The following FAM114A1 variants were observed in gnomAD, a reference collection of about 807,000 sequenced individuals.
FAM114A1 encodes protein NOXP20.
Under a neutral mutation model 64.3 loss-of-function variants are expected in FAM114A1, and 62 were observed. That is an observed-to-expected ratio of 0.96 (90% CI 0.79 to 1.19). FAM114A1 has a LOEUF of 1.19. Ranked by LOEUF, FAM114A1 falls within the 50% of genes most tolerant of loss-of-function variation. The pLI is 0.00. For missense variants in FAM114A1, 645 were observed against 676.3 expected (o/e 0.95, Z 0.51); for synonymous variants, 254 against 251.1 (o/e 1.01, Z -0.11).
chr4:38,883,075 G>A (rs1030351817), intron 3 of FAM114A1, among the ~76,000 whole-genome samples: 6 of 152,152 alleles, frequency 3.9e-5, no homozygotes, highest in Non-Finnish European at 7.3e-5. Flanking sequence ...TACAACCTCC[G>A]TGAGAAATGG....
At chr4:38,893,950 G>A (rs964261006) in intron 4 of FAM114A1, among the ~76,000 whole-genome samples, 6 of 152,038 alleles carry the variant, frequency 3.9e-5, no homozygotes, top group Non-Finnish European at 7.4e-5. Flanking sequence ...ATCATTTGAG[G>A]TCAGGAGTTC....
chr4:38,917,815 C>T (rs1334864165), intron 8 of FAM114A1, among the ~76,000 whole-genome samples: 1 of 152,190 alleles, frequency 6.6e-6, no homozygotes, highest in Non-Finnish European at 1.5e-5. Context: ...CCATTGCCTC[C>T]ACAAGCTCTG....
chr4:38,883,490 A>T (rs1271866028), intron 3 of FAM114A1, among the ~76,000 whole-genome samples: 1 of 152,182 alleles, frequency 6.6e-6, no homozygotes. Flanking sequence ...CAGAATTTTT[A>T]AAATGTCATC....
At chr4:38,871,078 T>C (rs973645837) in intron 2 of FAM114A1, among the ~76,000 whole-genome samples, 2 of 145,842 alleles carry the variant, frequency 1.4e-5, no homozygotes, top group African/African-American at 2.6e-5. Context: ...GCTTTCTTTT[T>C]TTTCTTTCTT....
At position 38,868,379 on chromosome 4, in the gene FAM114A1, C is replaced by G. The variant is rs1322284145; in HGVS notation, c.-157-19C>G. ...GCCTTGACCTCCCCGCTCCCCTCGC[C>G]TTACTCCTCCCCCAACAGCCGACCC... On this transcript the variant is annotated intron_variant, in intron 1 of 14. Transcript: ENST00000358869. 2.6e-5 allele frequency: 4 copies of G among 152,932 alleles called. No homozygotes were observed. Among genetic ancestry groups the G allele is most frequent in the Non-Finnish European group, 5.8e-5 (4 of 68,526 alleles). The allele number at this position is 152,932 out of a possible 1,614,324, so 9.5% of individuals were successfully genotyped here.
chr4:38,895,442 A>G (rs144916008), intron 4 of FAM114A1, among the ~76,000 whole-genome samples: 2,416 of 152,254 alleles, frequency 0.016, 53 homozygotes, highest in Admixed American at 0.06. Flanking sequence ...ACTAAGGATG[A>G]TCTCTCTTTT....
At chr4:38,884,215 C>CT (rs1715575303) in intron 3 of FAM114A1, among the ~76,000 whole-genome samples, 1 of 152,192 alleles carries the variant, frequency 6.6e-6, no homozygotes. Flanking sequence ...TCTGAAACTC[C>CT]TAGACTCAAG....
At chr4:38,870,282 G>A (rs1713911094) in intron 2 of FAM114A1, among the ~76,000 whole-genome samples, 1 of 152,124 alleles carries the variant, frequency 6.6e-6, no homozygotes, top group African/African-American at 2.4e-5. Context: ...CATCCCACCA[G>A]GCCTGAATCA....
At chr4:38,930,210 G>A (rs553104557) in intron 10 of FAM114A1, among the ~76,000 whole-genome samples, 2 of 152,126 alleles carry the variant, frequency 1.3e-5, no homozygotes, top group Non-Finnish European at 2.9e-5. Flanking sequence ...TTAGTACAAG[G>A]TCTTGCTGTG....
intron 4 of FAM114A1, among the ~76,000 whole-genome samples, chr4:38,898,993 G>T (rs1220819414): frequency 1.4e-5 from 2 of 145,400 alleles, no homozygotes; most frequent in Non-Finnish European, 3.0e-5. Flanking sequence ...TGTAATATAT[G>T]TTATATATGT....
In FAM114A1 at chr4:38,911,758, G is replaced by A. The variant is rs114743803; in HGVS notation, c.792+3032G>A. ...CTATGGAAACTAGAAGCGTGCACGC[G>A]TGCACTACCTACATTTCTCACGTAT... On this transcript the variant is annotated intron_variant, in intron 7 of 14. Transcript: ENST00000358869. 8.9e-3 allele frequency among the ~76,000 whole-genome samples: 1,334 copies of A among 150,672 alleles called. 22 individuals are homozygous for A. The highest frequency in any genetic ancestry group is 0.03 in the African/African-American group (1,245 of 40,962).
rs573937537 is a variant in FAM114A1, at chr4:38,880,107, G to GTAGAATAGAATAGAATAGAATAGAA, written c.348+1727_348+1751dup. Among the ~76,000 whole-genome samples the GTAGAATAGAATAGAATAGAATAGAA allele has an allele frequency of 2.0e-3, 255 of 127,332 alleles. 3 individuals are homozygous for GTAGAATAGAATAGAATAGAATAGAA. The highest frequency in any genetic ancestry group is 7.1e-3 in the South Asian group (28 of 3,930). The allele number at this position is 127,332 out of a possible 152,430, so 83.5% of individuals were successfully genotyped here. A position where few individuals can be genotyped will look rare whatever the true frequency, so the allele number is the denominator to read the frequency against. On this transcript the variant is annotated intron_variant, in intron 3 of 14. Transcript: ENST00000358869. ...ATAAAATAAAATAAAATAAAATAGA[G>GTAGAATAGAATAGAATAGAATAGAA]TAGAATAGAATAGAATAGAATAGAA...
intron 2 of FAM114A1, among the ~76,000 whole-genome samples, chr4:38,872,897 G>A (rs757313663): frequency 7.9e-5 from 12 of 152,348 alleles, no homozygotes; most frequent in South Asian, 2.1e-4. Flanking sequence ...ACCAAAACAG[G>A]CAGAGGACAA....
rs141515302 is a variant in FAM114A1 at position 38,943,640 on chromosome 4, G to A, written c.*83G>A. On this transcript the variant is annotated 3_prime_UTR_variant, in exon 15 of 15. Transcript: ENST00000358869. The stretch of plus-strand genomic sequence containing the variant: ...CCATTTAAGGGGATGTTCTCTGTGC[G>A]CCTGGCCACAGACATCCATTTGAGG... The A allele has an allele frequency of 4.7e-5, 56 of 1,194,996 alleles. No homozygotes were observed. The highest frequency in any genetic ancestry group is 7.2e-5 in the Admixed American group (4 of 55,414). 74.0% of individuals were successfully genotyped at this position (1,194,996 alleles called of 1,614,324 possible).
chr4:38,943,513 C>G lies in FAM114A1; in HGVS notation c.1648C>G (p.Gln550Glu). ...CTTCCAGCTGCTGCTGCCTGTTCTG[C>G]AGGTCTCACATATCCAGACCAGTTG... The part of the protein sequence containing the change: ...DAFQLLLPVL[Q>E]VSHIQTSCLK... The change falls in exon 15 of 15, where the codon CAG becomes GAG. Residue 550 changes from glutamine (Q) to glutamate (E), a missense_variant. Gln to Glu is a conservative substitution (Grantham distance 29). Coordinates refer to ENST00000358869, the MANE Select transcript of FAM114A1 (RefSeq NM_138389.4). The G allele has an allele frequency of 6.2e-7, 1 of 1,614,078 alleles. No individual in the cohort carries two copies. The highest frequency in any genetic ancestry group is 1.1e-5 in the South Asian group (1 of 91,078).
chr4:38,901,747 G>A (rs1186115540), intron 4 of FAM114A1, among the ~76,000 whole-genome samples: 1 of 152,128 alleles, frequency 6.6e-6, no homozygotes, highest in East Asian at 1.9e-4. Flanking sequence ...AGTGCTTTGC[G>A]GGAAGAAAAA....
At chr4:38,898,165 G>A (rs1333167277) in intron 4 of FAM114A1, among the ~76,000 whole-genome samples, 2 of 152,088 alleles carry the variant, frequency 1.3e-5, no homozygotes, top group African/African-American at 2.4e-5. Context: ...TACCACCAAA[G>A]GCTTAAATGT....
chr4:38,899,059 C>T (rs1288344331), intron 4 of FAM114A1, among the ~76,000 whole-genome samples: 1 of 146,590 alleles, frequency 6.8e-6, no homozygotes, highest in South Asian at 2.1e-4. Context: ...ATATCTATCT[C>T]CATTCAGTGG....
At chr4:38,938,919 A>G (rs1178358401) in intron 13 of FAM114A1, among the ~76,000 whole-genome samples, 1 of 152,226 alleles carries the variant, frequency 6.6e-6, no homozygotes, top group African/African-American at 2.4e-5. Flanking sequence ...ATCTTAATTT[A>G]CCTACTAGTA....
Sources: gnomAD v4.1 joint callset for allele counts (sites outside exome capture counted in the v4.1 genomes callset) on GRCh38, gnomAD v4.1.1 for gene constraint, MANE v1.5 for transcripts, NCBI Gene and HGNC (gene_info 2026-07-23, HGNC 2026-07-21) for gene names.